USP54: variants seen among roughly 807,000 people sequenced by gnomAD.
USP54 encodes the protein ubiquitin specific peptidase 54, also known as ubiquitin carboxyl-terminal hydrolase 54.
In USP54, 87 loss-of-function variants were observed where a neutral mutation model predicts 170.5. The ratio of observed to expected loss-of-function variants is 0.51; its 90% CI spans 0.43 to 0.61. The LOEUF is 0.61. Among genes scored for constraint, USP54 ranks in the 20% least tolerant of loss-of-function variants. The probability of loss-of-function intolerance (pLI) is 0.00; values close to 1 mark genes in which losing one functional copy is unlikely to be tolerated. For missense variants in USP54, 1,786 were observed against 2,047.8 expected (o/e 0.87, Z 2.47); for synonymous variants, 655 against 742.8 (o/e 0.88, Z 1.92).
chr10:73,562,623 A>G (rs2073334176), intron 4 of USP54, among the ~76,000 whole-genome samples: 1 of 152,208 alleles, frequency 6.6e-6, no homozygotes, highest in Admixed American at 6.6e-5. Context: ...ATGCAGCTGC[A>G]GAATTCATTT....
intron 20 of USP54, among the ~76,000 whole-genome samples, chr10:73,513,724 T>C (rs2060591424): frequency 6.6e-6 from 1 of 152,202 alleles, no homozygotes; most frequent in Admixed American, 6.5e-5. Context: ...ATGAAAACAT[T>C]AAGAGTGAGA....
intron 1 of USP54, among the ~76,000 whole-genome samples, chr10:73,581,644 G>A (rs2076917941): frequency 6.6e-6 from 1 of 152,180 alleles, no homozygotes; most frequent in African/African-American, 2.4e-5. Flanking sequence ...GGCTTTTATA[G>A]TATATGTCAC....
chr10:73,600,766 T>A (rs979620031), intron 1 of USP54, among the ~76,000 whole-genome samples: 5 of 151,998 alleles, frequency 3.3e-5, no homozygotes, highest in South Asian at 2.1e-4. Flanking sequence ...ATACAAAAAT[T>A]AGCTGGGTGT....
Position 73,605,429 on chromosome 10 carries a change from A to T in USP54, c.-18+20138T>A, listed in dbSNP as rs192795668. 9.7e-4 allele frequency among the ~76,000 whole-genome samples: 147 copies of T among 152,150 alleles called. 2 individuals carry two copies. Among genetic ancestry groups the T allele is most frequent in the Middle Eastern group, 3.4e-3 (1 of 294 alleles). The stretch of plus-strand genomic sequence containing the variant: ...GTAGTCTCAGCTACTTGGGAAGCTG[A>T]GGTGAAAGGATCACTTGAGCCCAGA... On this transcript the variant is annotated intron_variant, in intron 1 of 22. Transcript: ENST00000339859.
At chr10:73,542,301 T>G (rs1282316177) in intron 7 of USP54, among the ~76,000 whole-genome samples, 1 of 152,206 alleles carries the variant, frequency 6.6e-6, no homozygotes, top group Non-Finnish European at 1.5e-5. Context: ...GGTTTTGTCA[T>G]GTTGGCCAGG....
At chr10:73,578,313 C>A (rs1470993925) in intron 1 of USP54, among the ~76,000 whole-genome samples, 6 of 152,182 alleles carry the variant, frequency 3.9e-5, no homozygotes, top group Non-Finnish European at 7.3e-5. Context: ...CAATGTAATC[C>A]TTCTCCAATA....
Position 73,530,403 on chromosome 10 carries a change from G to A in USP54, c.1568C>T (p.Ala523Val). The A allele has an allele frequency of 6.2e-7, 1 of 1,614,184 alleles. No individual in the cohort carries two copies. The change falls in exon 14 of 24, where the codon GCT becomes GTT. Residue 523 changes from alanine (A) to valine (V), a missense_variant. This residue lies in a region of USP54 where 1,418 missense variants were observed against 1,569.0 expected (regional missense o/e 0.90). Coordinates refer to ENST00000687698, the MANE Select transcript of USP54 (RefSeq NM_001391956.1). The stretch of plus-strand genomic sequence containing the variant: ...GTGAGAGCCTACATTGGTCTGAGAA[G>A]CCAGGGATGGTCTGTTATGGATCAT... Reference protein sequence around the residue: ...SNMIHNRPSLASQTNVGSHCR... With the variant: ...SNMIHNRPSLVSQTNVGSHCR...
intron 12 of USP54, 125 bp from the exon 13 acceptor site, chr10:73,530,960 G>T: frequency 7.5e-7 from 1 of 1,332,280 alleles, no homozygotes. Context: ...GAAGCTGTAG[G>T]GCATAGGCTA....
At chr10:73,522,180 T>A (rs1163096094) in intron 17 of USP54, among the ~76,000 whole-genome samples, 2 of 152,256 alleles carry the variant, frequency 1.3e-5, no homozygotes, top group Non-Finnish European at 2.9e-5. Flanking sequence ...AGGTTGGTTC[T>A]GAAGAACTTG....
Position 73,545,534 on chromosome 10 carries a change from T to G in USP54, c.375+4A>C. 1.2e-6 allele frequency: 2 copies of G among 1,614,008 alleles called. No homozygotes were observed. Among genetic ancestry groups the G allele is most frequent in the Non-Finnish European group, 1.7e-6 (2 of 1,179,920 alleles). The stretch of plus-strand genomic sequence containing the variant: ...ATCAAAGAGGGCCAGAGGCCAGCAC[T>G]TACAAAGCACTCTGCAGCATCATCC... On this transcript the variant is annotated splice_donor_region_variant and intron_variant, in intron 5 of 23. Coordinates refer to ENST00000687698, the MANE Select transcript of USP54 (RefSeq NM_001391956.1).
At chr10:73,588,798 CTTTG>C (rs1416053170) in intron 1 of USP54, among the ~76,000 whole-genome samples, 1 of 152,198 alleles carries the variant, frequency 6.6e-6, no homozygotes, top group Non-Finnish European at 1.5e-5. Context: ...TGCCCAGTTA[CTTTG>C]TTTTTTGTAT....
intron 1 of USP54, among the ~76,000 whole-genome samples, chr10:73,609,642 G>A (rs1019523476): frequency 2.0e-5 from 3 of 151,820 alleles, no homozygotes; most frequent in Admixed American, 6.6e-5. Context: ...TCAGGAGATC[G>A]AGACCATGCT....
At chr10:73,563,053 G>A (rs994476355) in intron 4 of USP54, among the ~76,000 whole-genome samples, 2 of 152,106 alleles carry the variant, frequency 1.3e-5, no homozygotes, top group Admixed American at 1.3e-4. Flanking sequence ...TTGGGCTCAA[G>A]TGATCTTTCC....
rs921330502 is a variant in USP54 at position 73,534,841 on chromosome 10, T to A, written c.1145-71A>T. The A allele has an allele frequency of 3.4e-6, 5 of 1,460,898 alleles. No homozygotes were observed. In the Admixed American group the frequency reaches 9.2e-5, roughly 27 times the overall value. 90.5% of individuals were successfully genotyped at this position (1,460,898 alleles called of 1,614,324 possible). ...CAGTAGCAAAGAGAAGGAAAAGAGA[T>A]GGACACAACAAAGCTCCATAAGGCA... On this transcript the variant is annotated intron_variant, in intron 11 of 23. Coordinates refer to ENST00000687698, the MANE Select transcript of USP54 (RefSeq NM_001391956.1).
upstream of USP54, among the ~76,000 whole-genome samples, chr10:73,595,767 T>C (rs2078673669): frequency 6.6e-6 from 1 of 152,126 alleles, no homozygotes; most frequent in Non-Finnish European, 1.5e-5. Flanking sequence ...AAGAAGAGTA[T>C]GAAAATCCCT....
At chr10:73,623,256 T>A (rs1022208099) in intron 1 of USP54, among the ~76,000 whole-genome samples, 2 of 152,002 alleles carry the variant, frequency 1.3e-5, no homozygotes, top group African/African-American at 4.8e-5. Context: ...CGTGGTTGCA[T>A]GCACCTGTGG....
At chr10:73,598,835 G>A (rs1056841814) in intron 1 of USP54, among the ~76,000 whole-genome samples, 1 of 152,100 alleles carries the variant, frequency 6.6e-6, no homozygotes, top group African/African-American at 2.4e-5. Context: ...CAGGAGAATC[G>A]CTTGAACCCA....
At chr10:73,541,933 C>T in intron 7 of USP54, 195 bp from the exon 8 acceptor site, 1 of 586,458 alleles carries the variant, frequency 1.7e-6, no homozygotes, top group Non-Finnish European at 3.0e-6. Flanking sequence ...TCATAGAATC[C>T]CCACTCCTCC....
chr10:73,585,852 C>T (rs1409837468), intron 1 of USP54, among the ~76,000 whole-genome samples: 1 of 152,066 alleles, frequency 6.6e-6, no homozygotes, highest in Non-Finnish European at 1.5e-5. Flanking sequence ...GAAACCCCGT[C>T]TCTACTAAAA....
Sources: gnomAD v4.1 joint callset for allele counts (sites outside exome capture counted in the v4.1 genomes callset) on GRCh38, gnomAD v4.1.1 for gene constraint, gnomAD v4.1.1 regional missense constraint, MANE v1.5 for transcripts, NCBI Gene and HGNC (gene_info 2026-07-23, HGNC 2026-07-21) for gene names.